The following DOCK8 variants were observed in gnomAD, a reference collection of about 807,000 sequenced individuals.
DOCK8 encodes dedicator of cytokinesis 8, also known as dedicator of cytokinesis protein 8.
Under a neutral mutation model 245.6 loss-of-function variants are expected in DOCK8, and 141 were observed. The ratio of observed to expected loss-of-function variants is 0.57; its 90% confidence interval spans 0.50 to 0.66. The LOEUF is 0.66. Ranked by LOEUF, DOCK8 falls within the 30% of genes least tolerant of loss-of-function variation. DOCK8 has a pLI of 0.00. For synonymous variants in DOCK8, 1,168 were observed against 970.2 expected (o/e 1.20, Z -3.79); for missense variants, 2,965 against 2,603.4 (o/e 1.14, Z -3.02).
chr9:411,495 G>T (rs955041944), intron 28 of DOCK8, among the ~76,000 whole-genome samples: 8 of 152,012 alleles, frequency 5.3e-5, no homozygotes, highest in Non-Finnish European at 1.2e-4. Context: ...CTTTACTGAT[G>T]AATTCTACCA....
chr9:340,999 T>C (rs2051560314), intron 14 of DOCK8, among the ~76,000 whole-genome samples: 1 of 152,194 alleles, frequency 6.6e-6, no homozygotes, highest in Non-Finnish European at 1.5e-5. Flanking sequence ...GGTTTTCAGC[T>C]AAAGATTAGC....
At chr9:215,287 C>T (rs372481123) in intron 1 of DOCK8, 6 of 1,608,654 alleles carry the variant, frequency 3.7e-6, no homozygotes, top group Middle Eastern at 3.3e-4. Context: ...GGGATCCCTT[C>T]CCCGAACAAC....
Position 399,131 on chromosome 9 carries a change from T to C in DOCK8, c.3121-15T>C. ...GTGTCCCACAAAATGATTTGGGTGTTTGTTTGTTTTTAAGGAAAATGAACA... is the reference window on the plus strand; with the variant it reads ...GTGTCCCACAAAATGATTTGGGTGTCTGTTTGTTTTTAAGGAAAATGAACA... On this transcript the variant is annotated splice_polypyrimidine_tract_variant and intron_variant, in intron 25 of 47. Transcript: ENST00000432829. 2 of 1,611,310 alleles carry C rather than the reference T, an allele frequency of 1.2e-6. No individual in the cohort carries two copies. The highest frequency in any genetic ancestry group is 1.7e-6 in the Non-Finnish European group (2 of 1,177,706).
chr9:315,808 A>AT (rs1335161910), intron 6 of DOCK8, among the ~76,000 whole-genome samples: 2 of 152,240 alleles, frequency 1.3e-5, no homozygotes, highest in African/African-American at 4.8e-5. Context: ...CTTTTTTAAA[A>AT]GGATTTCAAA....
At chr9:307,116 C>T (rs2049870627) in intron 5 of DOCK8, among the ~76,000 whole-genome samples, 1 of 152,056 alleles carries the variant, frequency 6.6e-6, no homozygotes. Context: ...CCTCCTTGAA[C>T]CATCCGGTAA....
chr9:416,720 C>G (rs1305788432), intron 29 of DOCK8, among the ~76,000 whole-genome samples: 1 of 152,208 alleles, frequency 6.6e-6, no homozygotes. Context: ...CCTTTCCGTG[C>G]CTTCCTTTCC....
rs184727169 is a variant in DOCK8 at position 464,414 on chromosome 9, G to C, written c.*195G>C. 1.2e-4 allele frequency: 77 copies of C among 642,248 alleles called. No homozygotes were observed. In the East Asian group the frequency reaches 1.9e-3, roughly 16 times the overall value. The allele number at this position is 642,248 out of a possible 1,614,324, so 39.8% of individuals were successfully genotyped here. A position where few individuals can be genotyped will look rare whatever the true frequency, so the allele number is the denominator to read the frequency against. On this transcript the variant is annotated 3_prime_UTR_variant, in exon 48 of 48. Coordinates refer to ENST00000432829, the MANE Select transcript of DOCK8 (RefSeq NM_203447.4). ...ACTCTGACCAGATTTTTGCCATACT[G>C]GGGGGTGGCGGGATGGAGGATGGGT...
At chr9:240,929 C>G (rs1241260468) in intron 1 of DOCK8, among the ~76,000 whole-genome samples, 1 of 151,432 alleles carries the variant, frequency 6.6e-6, no homozygotes, top group Non-Finnish European at 1.5e-5. Context: ...AATTACCATA[C>G]ACATGTTTAA....
chr9:344,258 T>G (rs1043122599), intron 14 of DOCK8, among the ~76,000 whole-genome samples: 2 of 152,200 alleles, frequency 1.3e-5, no homozygotes, highest in Non-Finnish European at 2.9e-5. Context: ...CCACCATATT[T>G]TATAGTCTAT....
At chr9:294,640 A>G (rs1450882716) in intron 4 of DOCK8, among the ~76,000 whole-genome samples, 1 of 152,212 alleles carries the variant, frequency 6.6e-6, no homozygotes, top group Non-Finnish European at 1.5e-5. Flanking sequence ...CCTATGTGCA[A>G]ATACAGCAGT....
At chr9:288,772 A>G (rs2048927007) in intron 3 of DOCK8, among the ~76,000 whole-genome samples, 1 of 152,238 alleles carries the variant, frequency 6.6e-6, no homozygotes, top group South Asian at 2.1e-4. Context: ...ATTAGGGCCC[A>G]GAGACTGCAT....
intron 22 of DOCK8, among the ~76,000 whole-genome samples, chr9:385,478 C>A (rs528094155): frequency 6.6e-6 from 1 of 152,324 alleles, no homozygotes; most frequent in Non-Finnish European, 1.5e-5. Context: ...CTAGTCCCTT[C>A]CTAATAATTT....
chr9:381,537 A>T (rs2053720154), intron 21 of DOCK8: 1 of 152,230 alleles, frequency 6.6e-6, no homozygotes, highest in African/African-American at 2.4e-5. Context: ...ACTTCTTGTC[A>T]GCATGATATA....
intron 26 of DOCK8, among the ~76,000 whole-genome samples, chr9:399,767 G>C (rs2054654978): frequency 6.6e-6 from 1 of 152,012 alleles, no homozygotes; most frequent in Non-Finnish European, 1.5e-5. Flanking sequence ...GCATCTATCA[G>C]TGCCATCCCC....
At chr9:256,736 G>A (rs992333178) in intron 1 of DOCK8, among the ~76,000 whole-genome samples, 3 of 152,080 alleles carry the variant, frequency 2.0e-5, no homozygotes, top group Admixed American at 2.0e-4. Context: ...TCGCTGGATA[G>A]GGCAGTCTCA....
chr9:215,088 CGG>C, intron 1 of DOCK8, 59 bp downstream of exon 1: 1 of 1,521,998 alleles, frequency 6.6e-7, no homozygotes, highest in Non-Finnish European at 8.7e-7. Context: ...TGGTGTGAAG[CGG>C]AGCTTCGCTG....
chr9:400,184 CCTT>C (rs1157687563), intron 26 of DOCK8, among the ~76,000 whole-genome samples: 22 of 111,260 alleles, frequency 2.0e-4, no homozygotes, highest in Non-Finnish European at 2.8e-4. Context: ...ATCACCACCT[CCTT>C]CACCATCACC....
intron 3 of DOCK8, among the ~76,000 whole-genome samples, chr9:287,633 T>C (rs1442057454): frequency 6.6e-6 from 1 of 152,216 alleles, no homozygotes; most frequent in Non-Finnish European, 1.5e-5. Context: ...CAGTCCTCAC[T>C]CACATAGGAG....
In DOCK8 at chr9:420,430, G is replaced by A. The variant is rs750379098; in HGVS notation, c.3870G>A (p.Ala1290=). The change falls in exon 31 of 48, where the codon GCG becomes GCA. Residue 1290 remains alanine (A), a synonymous_variant. Coordinates refer to ENST00000432829, the MANE Select transcript of DOCK8 (RefSeq NM_203447.4). ...LPYKQYNMLN[A]DTTRNLMICF... The stretch of plus-strand genomic sequence containing the variant: ...ATAAGCAGTACAACATGCTGAACGC[G>A]GACACTACTCGCAACCTCATGATCT... 12 of 1,613,978 alleles carry A rather than the reference G, an allele frequency of 7.4e-6. No homozygotes were observed. The highest frequency in any genetic ancestry group is 1.6e-4 in the Middle Eastern group (1 of 6,084).
Sources: allele counts gnomAD v4.1 joint callset (sites outside exome capture counted in the v4.1 genomes callset), GRCh38; gene constraint gnomAD v4.1.1; transcripts MANE v1.5; gene names NCBI Gene and HGNC (gene_info 2026-07-23, HGNC 2026-07-21).